The following CSNK2B variants were observed in gnomAD, a reference collection of about 807,000 sequenced individuals.
The protein encoded by CSNK2B is casein kinase II subunit beta.
In CSNK2B, 2 loss-of-function variants were observed where a neutral mutation model predicts 28.8. The ratio of observed to expected loss-of-function variants is 0.07; its 90% confidence interval spans 0.03 to 0.22. The LOEUF (loss-of-function observed/expected upper bound fraction) is 0.22, where lower values mean the gene tolerates loss of function less well. Among genes scored for constraint, CSNK2B ranks in the 10% least tolerant of loss-of-function variants. The pLI is 1.00. For synonymous variants in CSNK2B, 89 were observed against 96.1 expected (o/e 0.93, Z 0.43); for missense variants, 107 against 277.9 (o/e 0.39, Z 4.37).
At chr6:31,667,248 C>T (rs1801825461) in intron 2 of CSNK2B, 1 of 465,022 alleles carries the variant, frequency 2.2e-6, no homozygotes, top group African/African-American at 2.0e-5. Flanking sequence ...TCTCCTGCTC[C>T]AGCCTCCCAA....
At position 31,669,597 on chromosome 6, in the gene CSNK2B, T is replaced by C. The variant is rs2151189258; in HGVS notation, c.557+89T>C. 7.1e-7 allele frequency: 1 copy of C among 1,417,510 alleles called. No homozygotes were observed. Among genetic ancestry groups the C allele is most frequent in the African/African-American group, 1.4e-5 (1 of 70,508 alleles). The allele number at this position is 1,417,510 out of a possible 1,614,324, so 87.8% of individuals were successfully genotyped here. The stretch of plus-strand genomic sequence containing the variant: ...GACAGGGCATGGCCCTTTCTTGAGG[T>C]CTGCTTCTCCCAGAATCAGGGCATC... On this transcript the variant is annotated intron_variant, in intron 6 of 6. Coordinates refer to ENST00000375882, the MANE Select transcript of CSNK2B (RefSeq NM_001320.7). The surrounding 1 kb of genome is among the most constrained non-coding windows in gnomAD (Gnocchi z 4.8).
In CSNK2B at chr6:31,666,240, C is replaced by T. The variant is rs574222918; in HGVS notation, c.-12+32C>T. 44 of 973,920 alleles carry T rather than the reference C, an allele frequency of 4.5e-5. 2 individuals carry two copies. The South Asian group carries it at 1.8e-3, about 41-fold the overall frequency. The allele number at this position is 973,920 out of a possible 1,614,324, so 60.3% of individuals were successfully genotyped here. A position where few individuals can be genotyped will look rare whatever the true frequency, so the allele number is the denominator to read the frequency against. ...CTGAAGTCGTCGCTGCTCCGAGTCC[C>T]TTGTCGCTGGGAGCGGCACATGGGG... On this transcript the variant is annotated intron_variant, in intron 1 of 6. Coordinates refer to ENST00000375882, the MANE Select transcript of CSNK2B (RefSeq NM_001320.7).
Position 31,669,532 on chromosome 6 carries a change from A to G in CSNK2B, c.557+24A>G. ...AGGTAGGGAGCAGGGAGAGTCATTA[A>G]GGGTCAAAGGAAAGGCCCAAGATCC... On this transcript the variant is annotated intron_variant, in intron 6 of 6. Coordinates refer to ENST00000375882, the MANE Select transcript of CSNK2B (RefSeq NM_001320.7). The surrounding 1 kb of genome is among the most constrained non-coding windows in gnomAD (Gnocchi z 4.8). 6.3e-7 allele frequency: 1 copy of G among 1,597,644 alleles called. No homozygotes were observed.
intron 2 of CSNK2B, among the ~76,000 whole-genome samples, chr6:31,667,644 G>T (rs1429759220): frequency 6.6e-6 from 1 of 152,204 alleles, no homozygotes; most frequent in African/African-American, 2.4e-5. Flanking sequence ...CTAAGAAAAA[G>T]ATTGCTGTAT....
intron 4 of CSNK2B, 191 bp downstream of exon 4, chr6:31,668,845 A>G: frequency 1.6e-6 from 1 of 622,568 alleles, no homozygotes; most frequent in Non-Finnish European, 2.8e-6. Context: ...GGAGGGAGAC[A>G]GACCTTGAAT....
chr6:31,668,120 C>T (rs1284417968), intron 3 of CSNK2B, 150 bp downstream of exon 3: 1 of 702,204 alleles, frequency 1.4e-6, no homozygotes. Flanking sequence ...CCACCTGACT[C>T]TTGTCTAGTT....
Position 31,668,615 on chromosome 6 carries a change from C to G in CSNK2B, c.252C>G (p.His84Gln). The G allele has an allele frequency of 6.2e-7, 1 of 1,613,120 alleles. No individual in the cohort carries two copies. Among genetic ancestry groups the G allele is most frequent in the South Asian group, 1.1e-5 (1 of 91,086 alleles). ...CCGAGATGCTTTATGGATTGATCCACGCCCGCTACATCCTTACCAACCGTG... is the reference window on the plus strand; with the variant it reads ...CCGAGATGCTTTATGGATTGATCCAGGCCCGCTACATCCTTACCAACCGTG... ...QAAEMLYGLIHARYILTNRGI... is the reference protein window; with the variant it reads ...QAAEMLYGLIQARYILTNRGI... The change falls in exon 4 of 7, where the codon CAC (histidine) becomes CAG (glutamine). Residue 84 changes from histidine to glutamine, a missense_variant. By Grantham distance (24) the His-to-Gln change is conservative. Transcript: ENST00000375882.
intron 2 of CSNK2B, 66 bp downstream of exon 2, chr6:31,666,969 T>C: frequency 1.6e-6 from 2 of 1,289,102 alleles, no homozygotes; most frequent in Non-Finnish European, 1.1e-6. Context: ...TTCCTTCACA[T>C]ATTCCACTTC....
At position 31,669,092 on chromosome 6, in the gene CSNK2B, C is replaced by T; in HGVS notation, c.292-5C>T. ...TGCCAACCCCTTCCATTGTATTCAC[C>T]TCAGTTGGAAAAGTACCAGCAAGGA... On this transcript the variant is annotated splice_region_variant and splice_polypyrimidine_tract_variant and intron_variant, in intron 4 of 6. Coordinates refer to ENST00000375882, the MANE Select transcript of CSNK2B (RefSeq NM_001320.7). This position sits in a 1 kb window ranked among gnomAD's most constrained non-coding sequence, Gnocchi z 4.8. The T allele has an allele frequency of 1.2e-6, 2 of 1,612,176 alleles. No individual in the cohort carries two copies. The highest frequency in any genetic ancestry group is 8.5e-7 in the Non-Finnish European group (1 of 1,179,168).
At position 31,669,080 on chromosome 6, in the gene CSNK2B, C is replaced by A. The variant is rs1476591302; in HGVS notation, c.292-17C>A. 1 of 1,607,776 alleles carries A rather than the reference C, an allele frequency of 6.2e-7. No individual in the cohort carries two copies. The highest frequency in any genetic ancestry group is 1.7e-5 in the Admixed American group (1 of 60,014). On this transcript the variant is annotated splice_polypyrimidine_tract_variant and intron_variant, in intron 4 of 6. Coordinates refer to ENST00000375882, the MANE Select transcript of CSNK2B (RefSeq NM_001320.7). This position sits in a 1 kb window ranked among gnomAD's most constrained non-coding sequence, Gnocchi z 4.8. ...TTTACATCTACCTGCCAACCCCTTCCATTGTATTCACCTCAGTTGGAAAAG... is the reference window on the plus strand; with the variant it reads ...TTTACATCTACCTGCCAACCCCTTCAATTGTATTCACCTCAGTTGGAAAAG...
In CSNK2B at chr6:31,669,309, T is replaced by TG; in HGVS notation, c.368-9dup. ...GGATACCTGGCCTGCTGAGTCTGGC[T>TG]GTCTCCCAGGCCTTTCAGACATCCC... On this transcript the variant is annotated splice_polypyrimidine_tract_variant and intron_variant, in intron 5 of 6. Coordinates refer to ENST00000375882, the MANE Select transcript of CSNK2B (RefSeq NM_001320.7). This position sits in a 1 kb window ranked among gnomAD's most constrained non-coding sequence, Gnocchi z 4.8. 6.2e-7 allele frequency: 1 copy of TG among 1,609,232 alleles called. No homozygotes were observed. The highest frequency in any genetic ancestry group is 8.5e-7 in the Non-Finnish European group (1 of 1,176,198).
Position 31,668,560 on chromosome 6 carries a change from C to T in CSNK2B, c.197C>T (p.Pro66Leu). 1 of 1,612,942 alleles carries T rather than the reference C, an allele frequency of 6.2e-7. No individual in the cohort carries two copies. The highest frequency in any genetic ancestry group is 8.5e-7 in the Non-Finnish European group (1 of 1,179,974). The change falls in exon 4 of 7, where the codon CCC (proline) becomes CTC (leucine). Residue 66 changes from proline to leucine, a missense_variant. By Grantham distance (98) the Pro-to-Leu change is moderately conservative. Coordinates refer to ENST00000375882, the MANE Select transcript of CSNK2B (RefSeq NM_001320.7). Reference sequence around the variant, plus strand: ...TCAGATGAAGAACTGGAAGACAACCCCAACCAGAGTGACCTGATTGAGCAG... The same window carrying T: ...TCAGATGAAGAACTGGAAGACAACCTCAACCAGAGTGACCTGATTGAGCAG... ...LEPDEELEDN[P>L]NQSDLIEQAA...
rs1422290600 is a variant in CSNK2B at position 31,669,077 on chromosome 6, T to A, written c.292-20T>A. On this transcript the variant is annotated intron_variant, in intron 4 of 6. Coordinates refer to ENST00000375882, the MANE Select transcript of CSNK2B (RefSeq NM_001320.7). The surrounding 1 kb of genome is among the most constrained non-coding windows in gnomAD (Gnocchi z 4.8). ...TTCTTTACATCTACCTGCCAACCCC[T>A]TCCATTGTATTCACCTCAGTTGGAA... 1 of 1,606,080 alleles carries A rather than the reference T, an allele frequency of 6.2e-7. No individual in the cohort carries two copies. Among genetic ancestry groups the A allele is most frequent in the Non-Finnish European group, 8.5e-7 (1 of 1,173,776 alleles).
At chr6:31,668,416 G>T in intron 3 of CSNK2B, 123 bp from the exon 4 acceptor site, 1 of 755,086 alleles carries the variant, frequency 1.3e-6, no homozygotes, top group Non-Finnish European at 2.2e-6. Context: ...CCCAGATGTT[G>T]GATGGGGTAA....
In CSNK2B at chr6:31,670,008, TTTAAA is replaced by T. The variant is rs1216726269; in HGVS notation, c.*88_*92del. 1.7e-6 allele frequency: 2 copies of T among 1,185,756 alleles called. No individual in the cohort carries two copies. The highest frequency in any genetic ancestry group is 1.6e-5 in the African/African-American group (1 of 64,474). 73.5% of individuals were successfully genotyped at this position (1,185,756 alleles called of 1,614,324 possible). A position where few individuals can be genotyped will look rare whatever the true frequency, so the allele number is the denominator to read the frequency against. On this transcript the variant is annotated 3_prime_UTR_variant, in exon 7 of 7. Coordinates refer to ENST00000375882, the MANE Select transcript of CSNK2B (RefSeq NM_001320.7). ...TTCAGGAACCCTGTATGGTTTTTAG[TTTAAA>T]TTAAAGGAGTCGTTATCGTGGTGGG...
At chr6:31,668,421 G>A (rs1801949182) in intron 3 of CSNK2B, 118 bp from the exon 4 acceptor site, 1 of 806,824 alleles carries the variant, frequency 1.2e-6, no homozygotes, top group Non-Finnish European at 2.0e-6. Context: ...ATGTTGGATG[G>A]GGTAAGGCCC....
intron 4 of CSNK2B, 72 bp downstream of exon 4, chr6:31,668,726 T>C (rs768505165): frequency 1.4e-6 from 2 of 1,390,988 alleles, no homozygotes; most frequent in South Asian, 1.2e-5. Context: ...CAAGAAGTCA[T>C]GTTTAAGCCC....
Position 31,669,236 on chromosome 6 carries a change from C to A in CSNK2B, c.367+64C>A. 6.2e-7 allele frequency: 1 copy of A among 1,602,008 alleles called. No homozygotes were observed. The highest frequency in any genetic ancestry group is 2.2e-5 in the East Asian group (1 of 44,606). On this transcript the variant is annotated intron_variant, in intron 5 of 6. Transcript: ENST00000375882. This position sits in a 1 kb window ranked among gnomAD's most constrained non-coding sequence, Gnocchi z 4.8. ...AGTCTTATGGGAAGGAGTTGGGGCT[C>A]AACACATTGGAGCCTGAGTCCTGAG... is the stretch of plus-strand genomic sequence containing the variant.
intron 2 of CSNK2B, chr6:31,667,189 T>A (rs1479305273): frequency 3.3e-6 from 2 of 597,202 alleles, no homozygotes; most frequent in African/African-American, 1.8e-5. Flanking sequence ...TGGAGGGTAG[T>A]GGTGCGATCT....
Sources: allele counts gnomAD v4.1 joint callset (sites outside exome capture counted in the v4.1 genomes callset), GRCh38; gene constraint gnomAD v4.1.1; non-coding constraint Gnocchi (gnomAD v3.1); transcripts MANE v1.5; gene names NCBI Gene and HGNC (gene_info 2026-07-23, HGNC 2026-07-21).